The following USP32 variants were observed in gnomAD, a reference collection of about 807,000 sequenced individuals.
USP32 encodes ubiquitin carboxyl-terminal hydrolase 32.
A neutral mutation model predicts 204.8 loss-of-function variants in USP32; 59 were observed. That is an observed-to-expected ratio of 0.29 (90% CI 0.23 to 0.36). The LOEUF is 0.36. Ranked by LOEUF, USP32 falls within the 10% of genes least tolerant of loss-of-function variation. USP32 has a pLI of 1.00. For missense variants in USP32, 1,160 were observed against 1,946.4 expected (o/e 0.60, Z 7.60); for synonymous variants, 517 against 678.4 (o/e 0.76, Z 3.70).
At chr17:60,422,411 A>G in exon 1 of USP32, 1 of 1,445,416 alleles carries the variant, frequency 6.9e-7, no homozygotes, top group South Asian at 1.3e-5. Context: ...CACCCCTAAG[A>G]ATGAGGAAAT....
In USP32 at chr17:60,245,858, GT is replaced by G. The variant is rs961655733; in HGVS notation, c.1136+6522del. Among the ~76,000 whole-genome samples the G allele has an allele frequency of 4.3e-4, 63 of 145,914 alleles. 1 individual carries two copies. Among genetic ancestry groups the G allele is most frequent in the Admixed American group, 1.9e-3 (28 of 14,750 alleles). On this transcript the variant is annotated intron_variant, in intron 11 of 33. Transcript: ENST00000300896. ...GTTCACCTTCTTTTTTTTTTAATGT[GT>G]TTTTTTTTAAAAAGCTTTAAAAATA...
upstream of USP32, among the ~76,000 whole-genome samples, chr17:60,392,835 C>G (rs922756125): frequency 6.6e-6 from 1 of 152,088 alleles, no homozygotes; most frequent in Non-Finnish European, 1.5e-5. Context: ...CCACCTTCTC[C>G]TCCTGACCAT....
chr17:60,396,821 C>CTGA (rs2089904167), upstream of USP32, among the ~76,000 whole-genome samples: 1 of 152,220 alleles, frequency 6.6e-6, no homozygotes, highest in Non-Finnish European at 1.5e-5. Flanking sequence ...AGACTACTCA[C>CTGA]TGATTGTGTG....
chr17:60,178,463 G>T lies in USP32; in HGVS notation c.*792C>A, dbSNP rs1385254969. The stretch of plus-strand genomic sequence containing the variant: ...CGGGGGTGCAGAATACATTTCTGAG[G>T]ATACTTGAAGTATCCTAAATGTAAG... On this transcript the variant is annotated 3_prime_UTR_variant, in exon 34 of 34. Coordinates refer to ENST00000300896, the MANE Select transcript of USP32 (RefSeq NM_032582.4). Among the ~76,000 whole-genome samples, 3 of 152,146 alleles carry T rather than the reference G, an allele frequency of 2.0e-5. No homozygotes were observed. Among genetic ancestry groups the T allele is most frequent in the African/African-American group, 7.2e-5 (3 of 41,414 alleles).
chr17:60,340,492 C>T (rs1354030336), intron 2 of USP32, among the ~76,000 whole-genome samples: 4 of 152,122 alleles, frequency 2.6e-5, no homozygotes, highest in Non-Finnish European at 5.9e-5. Context: ...GGATTACAAC[C>T]CCTGCTTTTT....
At chr17:60,241,427 AATT>A (rs534481230) in intron 11 of USP32, among the ~76,000 whole-genome samples, 46 of 146,972 alleles carry the variant, frequency 3.1e-4, no homozygotes, top group African/African-American at 8.5e-4. Flanking sequence ...GCTTTTAAAA[AATT>A]ATTATTTTTT....
chr17:60,412,960 C>T (rs1455643537), intron 1 of USP32, among the ~76,000 whole-genome samples: 1 of 152,086 alleles, frequency 6.6e-6, no homozygotes, highest in Non-Finnish European at 1.5e-5. Flanking sequence ...CTCTAAAGTT[C>T]CGAGGTTGCC....
intron 1 of USP32, among the ~76,000 whole-genome samples, chr17:60,377,578 T>G (rs917696439): frequency 6.6e-6 from 1 of 152,220 alleles, no homozygotes; most frequent in African/African-American, 2.4e-5. Flanking sequence ...GTGTACATGC[T>G]TACAATAATA....
At chr17:60,225,649 G>A (rs1015143610) in intron 13 of USP32, among the ~76,000 whole-genome samples, 1 of 151,628 alleles carries the variant, frequency 6.6e-6, no homozygotes, top group Admixed American at 6.6e-5. Flanking sequence ...AAATTAGACT[G>A]CCTTAATAAC....
At chr17:60,419,295 T>C (rs548727312) in intron 1 of USP32, among the ~76,000 whole-genome samples, 130 of 152,222 alleles carry the variant, frequency 8.5e-4, no homozygotes, top group African/African-American at 3.0e-3. Context: ...TTCTCACTTA[T>C]AAGTAGGAGC....
At chr17:60,336,028 C>T (rs778098378) in intron 2 of USP32, among the ~76,000 whole-genome samples, 5 of 142,662 alleles carry the variant, frequency 3.5e-5, no homozygotes, top group Non-Finnish European at 5.9e-5. Flanking sequence ...GTCAGTAGCT[C>T]GGTTAATACA....
intron 11 of USP32, among the ~76,000 whole-genome samples, chr17:60,244,720 C>T (rs997322602): frequency 1.3e-5 from 2 of 152,150 alleles, no homozygotes; most frequent in Admixed American, 6.5e-5. Flanking sequence ...CAACCTCTGC[C>T]TCCTGGGTTC....
intron 18 of USP32, 40 bp downstream of exon 18, chr17:60,213,541 C>A (rs764856540): frequency 2.2e-6 from 2 of 889,076 alleles, no homozygotes; most frequent in African/African-American, 1.8e-5. Context: ...AAATTCTTCC[C>A]CTTGAAAATT....
Position 60,190,685 on chromosome 17 carries a change from TA to T in USP32, c.3522-3del. 1.3e-6 allele frequency: 2 copies of T among 1,588,962 alleles called. No individual in the cohort carries two copies. The highest frequency in any genetic ancestry group is 1.2e-5 in the South Asian group (1 of 84,788). On this transcript the variant is annotated splice_region_variant and splice_polypyrimidine_tract_variant and intron_variant, in intron 28 of 33. Transcript: ENST00000300896. ...TCAATTTTACAGCCTCTGCAAAATCTAAAAAGGGGGAAAAGATCCACAGAGG... is the reference window on the plus strand; with the variant it reads ...TCAATTTTACAGCCTCTGCAAAATCTAAAAGGGGGAAAAGATCCACAGAGG...
intron 15 of USP32, among the ~76,000 whole-genome samples, chr17:60,220,889 C>T (rs893253020): frequency 9.9e-5 from 15 of 151,834 alleles, no homozygotes; most frequent in African/African-American, 3.6e-4. Flanking sequence ...ACTTCGTGAT[C>T]CGCCCGCCTC....
At chr17:60,194,261 C>G (rs1363586752) in intron 27 of USP32, among the ~76,000 whole-genome samples, 1 of 152,130 alleles carries the variant, frequency 6.6e-6, no homozygotes, top group East Asian at 1.9e-4. Context: ...CCAGCCTGGT[C>G]TTAAACTCCT....
chr17:60,224,102 A>C (rs1051190528), intron 13 of USP32, among the ~76,000 whole-genome samples: 4 of 152,244 alleles, frequency 2.6e-5, no homozygotes, highest in African/African-American at 9.6e-5. Flanking sequence ...TGATCTTTAC[A>C]ATACGAAAAT....
At chr17:60,193,291 A>C (rs188775828) in intron 27 of USP32, among the ~76,000 whole-genome samples, 2 of 152,256 alleles carry the variant, frequency 1.3e-5, no homozygotes, top group East Asian at 3.8e-4. Flanking sequence ...TAAAATAATT[A>C]GATCTTTCCA....
chr17:60,192,752 T>G, intron 28 of USP32, 92 bp downstream of exon 28: 1 of 1,463,312 alleles, frequency 6.8e-7, no homozygotes, highest in East Asian at 2.3e-5. Flanking sequence ...CATTATTCAC[T>G]ATTTACTTCT....
Sources: allele counts gnomAD v4.1 joint callset (sites outside exome capture counted in the v4.1 genomes callset), GRCh38; gene constraint gnomAD v4.1.1; transcripts MANE v1.5; gene names NCBI Gene and HGNC (gene_info 2026-07-23, HGNC 2026-07-21).